The following ZNF385D variants were observed in gnomAD, a reference collection of about 807,000 sequenced individuals.
The protein encoded by ZNF385D is zinc finger protein 385D, also known as zinc finger protein 659.
In ZNF385D, 15 loss-of-function variants were observed where a neutral mutation model predicts 35.8. The ratio of observed to expected loss-of-function variants is 0.42; its 90% CI spans 0.28 to 0.64. The LOEUF is 0.64. Ranked by LOEUF, ZNF385D falls within the 30% of genes least tolerant of loss-of-function variation. The pLI, the probability that ZNF385D is intolerant of heterozygous loss-of-function variation, is 0.23. For synonymous variants in ZNF385D, 212 were observed against 186.8 expected (o/e 1.13, Z -1.10); for missense variants, 474 against 494.6 (o/e 0.96, Z 0.39).
chr3:21,915,301 C>T (rs1189821049), intron 3 of ZNF385D, among the ~76,000 whole-genome samples: 1 of 151,932 alleles, frequency 6.6e-6, no homozygotes, highest in African/African-American at 2.4e-5. Context: ...CCAAAAGCAC[C>T]TTGGGTTGAG....
chr3:21,764,662 T>C (rs950384424), intron 3 of ZNF385D, among the ~76,000 whole-genome samples: 6 of 152,134 alleles, frequency 3.9e-5, no homozygotes, highest in African/African-American at 1.4e-4. Context: ...AGCTGAGCAT[T>C]GAATACAAGA....
In ZNF385D at chr3:22,355,158, C is replaced by G. The variant is rs541621794; in HGVS notation, c.106+17292G>C. On this transcript the variant is annotated intron_variant, in intron 2 of 5. Transcript: ENST00000494108. ...CATGTTGTTGGAATGCATTTTCGTT[C>G]CTTTATATAGTCTCCATCAACTTGC... Among the ~76,000 whole-genome samples, 1,039 of 152,012 alleles carry G rather than the reference C, an allele frequency of 6.8e-3. 9 individuals carry two copies. Among genetic ancestry groups the G allele is most frequent in the Middle Eastern group, 0.044 (13 of 294 alleles).
intron 2 of ZNF385D, among the ~76,000 whole-genome samples, chr3:21,644,047 A>G (rs571442429): frequency 3.9e-5 from 6 of 152,256 alleles, no homozygotes; most frequent in East Asian, 1.9e-4. Flanking sequence ...AGATTTAGGT[A>G]TAGTAACTCT....
intron 2 of ZNF385D, among the ~76,000 whole-genome samples, chr3:22,172,043 T>C (rs1468707901): frequency 1.3e-5 from 2 of 152,170 alleles, no homozygotes; most frequent in Non-Finnish European, 2.9e-5. Flanking sequence ...ATATTTGAGT[T>C]CCACTGAGAA....
intron 3 of ZNF385D, among the ~76,000 whole-genome samples, chr3:21,989,120 C>T (rs6802253): frequency 0.055 from 8,418 of 152,222 alleles, 252 homozygotes; most frequent in Middle Eastern, 0.071. Flanking sequence ...TCTTCTGCGT[C>T]GCTCACGCTG....
chr3:21,825,604 A>G (rs78091607), intron 3 of ZNF385D, among the ~76,000 whole-genome samples: 2 of 152,068 alleles, frequency 1.3e-5, no homozygotes, highest in Admixed American at 6.5e-5. Flanking sequence ...GTCTTTCCTC[A>G]TGGTCACAAA....
intron 2 of ZNF385D, among the ~76,000 whole-genome samples, chr3:22,258,767 T>G (rs1020739374): frequency 1.3e-5 from 2 of 151,774 alleles, no homozygotes; most frequent in Non-Finnish European, 2.9e-5. Flanking sequence ...TATAGATTAT[T>G]TGCATGTTAA....
chr3:22,178,860 G>A (rs1239753544), intron 2 of ZNF385D, among the ~76,000 whole-genome samples: 2 of 152,112 alleles, frequency 1.3e-5, no homozygotes, highest in Admixed American at 6.5e-5. Context: ...CCCATTTCTT[G>A]TTTTTGCCAG....
chr3:22,182,108 G>T (rs1695321004), intron 2 of ZNF385D, among the ~76,000 whole-genome samples: 1 of 152,058 alleles, frequency 6.6e-6, no homozygotes, highest in African/African-American at 2.4e-5. Context: ...GTGGACTACT[G>T]CTCCTCAGAA....
intron 3 of ZNF385D, among the ~76,000 whole-genome samples, chr3:21,869,847 A>G (rs1198612900): frequency 2.6e-5 from 4 of 152,152 alleles, no homozygotes; most frequent in African/African-American, 9.7e-5. Flanking sequence ...TATTAGAAGT[A>G]GTTCAATAAA....
intron 3 of ZNF385D, among the ~76,000 whole-genome samples, chr3:21,797,141 C>A (rs1304266991): frequency 6.6e-6 from 1 of 152,190 alleles, no homozygotes; most frequent in African/African-American, 2.4e-5. Context: ...TCAAGCTCAA[C>A]AATTAGAGAA....
At chr3:21,473,060 C>A (rs1704006956) in intron 4 of ZNF385D, among the ~76,000 whole-genome samples, 1 of 152,110 alleles carries the variant, frequency 6.6e-6, no homozygotes, top group Admixed American at 6.6e-5. Context: ...CCTTCAATCA[C>A]CTTGATTTCA....
At chr3:22,031,738 G>A (rs1387002762) in intron 3 of ZNF385D, among the ~76,000 whole-genome samples, 2 of 152,314 alleles carry the variant, frequency 1.3e-5, no homozygotes, top group African/African-American at 4.8e-5. Context: ...GCAAATATCT[G>A]CAGCAGGCTT....
chr3:21,667,552 G>A (rs1183343153), intron 1 of ZNF385D, among the ~76,000 whole-genome samples: 2 of 152,052 alleles, frequency 1.3e-5, no homozygotes, highest in Non-Finnish European at 2.9e-5. Flanking sequence ...TCAGAAATTC[G>A]GTAAGGGTTA....
At chr3:22,137,942 T>G (rs1392070266) in intron 3 of ZNF385D, among the ~76,000 whole-genome samples, 3 of 152,132 alleles carry the variant, frequency 2.0e-5, no homozygotes, top group Non-Finnish European at 4.4e-5. Context: ...GCCCAAAATC[T>G]CCTTAAGCTG....
intron 3 of ZNF385D, among the ~76,000 whole-genome samples, chr3:21,883,550 A>C (rs1698388401): frequency 6.6e-6 from 1 of 151,974 alleles, no homozygotes; most frequent in Non-Finnish European, 1.5e-5. Flanking sequence ...CTATTTCATG[A>C]AGTGAATAAA....
chr3:22,007,803 ATAT>A (rs1238968253), intron 3 of ZNF385D, among the ~76,000 whole-genome samples: 3 of 142,470 alleles, frequency 2.1e-5, no homozygotes, highest in East Asian at 2.1e-4. Context: ...TATGATATAT[ATAT>A]TATTTTTTCC....
At chr3:21,512,934 CT>C (rs1707316755) in intron 3 of ZNF385D, among the ~76,000 whole-genome samples, 1 of 152,128 alleles carries the variant, frequency 6.6e-6, no homozygotes, top group Non-Finnish European at 1.5e-5. Flanking sequence ...CAGAGTTTCT[CT>C]TCTCTTTGCA....
At chr3:22,269,937 A>C (rs1701088474) in intron 2 of ZNF385D, among the ~76,000 whole-genome samples, 1 of 151,694 alleles carries the variant, frequency 6.6e-6, no homozygotes. Flanking sequence ...GCTTTCCTAA[A>C]CTTTCTCCAG....
Sources: gnomAD v4.1 joint callset for allele counts (sites outside exome capture counted in the v4.1 genomes callset) on GRCh38, gnomAD v4.1.1 for gene constraint, MANE v1.5 for transcripts, NCBI Gene and HGNC (gene_info 2026-07-23, HGNC 2026-07-21) for gene names.